UNC13B: variants seen among roughly 807,000 people sequenced by gnomAD.
The protein encoded by UNC13B is unc-13 homolog B.
In UNC13B, 144 loss-of-function variants were observed where a neutral mutation model predicts 211.0. The observed-to-expected ratio is 0.68, with a 90% CI of 0.60 to 0.78. The LOEUF (loss-of-function observed/expected upper bound fraction) is 0.78. Ranked by LOEUF, UNC13B falls within the 30% of genes least tolerant of loss-of-function variation. UNC13B has a pLI of 0.00. For missense variants in UNC13B, 1,777 were observed against 2,002.0 expected (o/e 0.89, Z 2.14); for synonymous variants, 709 against 725.8 (o/e 0.98, Z 0.37).
intron 10 of UNC13B, 121 bp downstream of exon 10, chr9:35,310,902 TC>T: frequency 1.1e-6 from 1 of 887,096 alleles, no homozygotes; most frequent in Non-Finnish European, 1.7e-6. Flanking sequence ...AGTTAACACC[TC>T]CAGGCTCAAC....
chr9:35,351,196 T>G, intron 11 of UNC13B: 1 of 713,000 alleles, frequency 1.4e-6, no homozygotes, highest in Non-Finnish European at 1.7e-6. Context: ...CCTATAATCT[T>G]AGGAGATAAT....
intron 13 of UNC13B, chr9:35,372,089 G>C (rs1460867836): frequency 6.6e-6 from 1 of 152,546 alleles, no homozygotes; most frequent in Admixed American, 6.5e-5. Flanking sequence ...GACCAACATA[G>C]TGAAACACTG....
intron 11 of UNC13B, among the ~76,000 whole-genome samples, chr9:35,323,378 A>G (rs1830839964): frequency 6.6e-6 from 1 of 152,052 alleles, no homozygotes; most frequent in Admixed American, 6.6e-5. Context: ...CCATTGATGG[A>G]TCTTTAGGTT....
intron 26 of UNC13B, among the ~76,000 whole-genome samples, chr9:35,391,115 T>A (rs1437022249): frequency 1.3e-5 from 2 of 152,208 alleles, no homozygotes; most frequent in Admixed American, 6.5e-5. Context: ...TGTTGGGGAC[T>A]CTCTGGCCTG....
At chr9:35,197,367 C>A (rs942944831) in intron 1 of UNC13B, among the ~76,000 whole-genome samples, 2 of 151,788 alleles carry the variant, frequency 1.3e-5, no homozygotes, top group African/African-American at 4.8e-5. Flanking sequence ...GCCCCCACAC[C>A]CGGCTAGTTT....
At position 35,370,349 on chromosome 9, in the gene UNC13B, A is replaced by G; in HGVS notation, c.9493A>G (p.Met3165Val). 1 of 1,614,016 alleles carries G rather than the reference A, an allele frequency of 6.2e-7. No homozygotes were observed. The change falls in exon 13 of 40, where the codon ATG (methionine) becomes GTG (valine). Residue 3165 changes from methionine (M) to valine (V), a missense_variant. Transcript: ENST00000635942. ...CGGAGGGCTCTATGGCATTGACAGC[A>G]TGCCAGATTTACGCAGAAAGAAGCC... is the stretch of plus-strand genomic sequence containing the variant. ...PAGGLYGIDS[M>V]PDLRRKKPLP...
intron 1 of UNC13B, among the ~76,000 whole-genome samples, chr9:35,225,397 C>T (rs985489085): frequency 2.0e-5 from 3 of 152,188 alleles, no homozygotes; most frequent in Non-Finnish European, 2.9e-5. Context: ...TTAAGTGATC[C>T]ACCCACTTTG....
chr9:35,165,935 T>G (rs886111975), intron 1 of UNC13B, among the ~76,000 whole-genome samples: 4 of 152,320 alleles, frequency 2.6e-5, no homozygotes, highest in South Asian at 4.1e-4. Flanking sequence ...TGTCTTGGTA[T>G]TCACGACCAA....
At chr9:35,341,475 G>A (rs539847573) in intron 11 of UNC13B, among the ~76,000 whole-genome samples, 1 of 152,278 alleles carries the variant, frequency 6.6e-6, no homozygotes, top group East Asian at 1.9e-4. Context: ...TCAGTAGAAG[G>A]GAAGACTCCC....
intron 6 of UNC13B, among the ~76,000 whole-genome samples, chr9:35,250,293 A>G (rs1826384107): frequency 6.6e-6 from 1 of 152,192 alleles, no homozygotes; most frequent in Non-Finnish European, 1.5e-5. Flanking sequence ...ATTGCCCCGT[A>G]AAGAAACCCT....
At chr9:35,270,189 C>T (rs868160583) in intron 7 of UNC13B, among the ~76,000 whole-genome samples, 2 of 152,220 alleles carry the variant, frequency 1.3e-5, no homozygotes, top group African/African-American at 2.4e-5. Context: ...TAGTTTTGCT[C>T]GTTGCTACAG....
At chr9:35,377,751 G>T in intron 16 of UNC13B, 56 bp downstream of exon 16, 2 of 1,557,970 alleles carry the variant, frequency 1.3e-6, no homozygotes, top group South Asian at 1.1e-5. Context: ...GGAGGAGACT[G>T]GGGAAGAAAC....
At chr9:35,242,962 A>G (rs1825889255) in intron 5 of UNC13B, among the ~76,000 whole-genome samples, 1 of 152,180 alleles carries the variant, frequency 6.6e-6, no homozygotes, top group South Asian at 2.1e-4. Flanking sequence ...GTATGGTTAC[A>G]TAGAAAGAAT....
intron 7 of UNC13B, among the ~76,000 whole-genome samples, chr9:35,293,454 T>G (rs1314917724): frequency 6.6e-6 from 1 of 152,190 alleles, no homozygotes; most frequent in Non-Finnish European, 1.5e-5. Flanking sequence ...TGAATCTTGT[T>G]TCTCTGGGTT....
chr9:35,360,114 C>A (rs1833310537), intron 11 of UNC13B, among the ~76,000 whole-genome samples: 1 of 152,236 alleles, frequency 6.6e-6, no homozygotes, highest in African/African-American at 2.4e-5. Context: ...CTTCTTTACT[C>A]ATTTCTTTCA....
At chr9:35,258,504 G>A (rs147584991) in intron 6 of UNC13B, among the ~76,000 whole-genome samples, 2 of 152,262 alleles carry the variant, frequency 1.3e-5, no homozygotes, top group African/African-American at 4.8e-5. Flanking sequence ...ACCAGATATT[G>A]CACCACATGC....
intron 11 of UNC13B, among the ~76,000 whole-genome samples, chr9:35,358,938 G>C (rs1247853777): frequency 2.0e-5 from 3 of 151,948 alleles, no homozygotes; most frequent in African/African-American, 7.3e-5. Flanking sequence ...GACCTGAAGT[G>C]ATCTTCCCAC....
intron 24 of UNC13B, 56 bp downstream of exon 24, chr9:35,386,349 T>C (rs1835189953): frequency 1.2e-6 from 2 of 1,607,882 alleles, no homozygotes; most frequent in Non-Finnish European, 8.5e-7. Flanking sequence ...GGAGCCTCAG[T>C]TTTCCTTCAT....
At chr9:35,298,836 GT>G (rs1829528712) in intron 8 of UNC13B, among the ~76,000 whole-genome samples, 1 of 152,158 alleles carries the variant, frequency 6.6e-6, no homozygotes, top group Admixed American at 6.5e-5. Context: ...TTGTTTTAAG[GT>G]GGGCATGTAG....
Sources: allele counts gnomAD v4.1 joint callset (sites outside exome capture counted in the v4.1 genomes callset), GRCh38; gene constraint gnomAD v4.1.1; transcripts MANE v1.5; gene names NCBI Gene and HGNC (gene_info 2026-07-23, HGNC 2026-07-21).